Variants in EDNRA observed in about 807,000 individuals in gnomAD.
The protein encoded by EDNRA is endothelin-1 receptor.
In EDNRA, 11 loss-of-function variants were observed where a neutral mutation model predicts 41.4. The ratio of observed to expected loss-of-function variants is 0.27; its 90% CI spans 0.17 to 0.44. EDNRA has a LOEUF of 0.44. Among genes scored for constraint, EDNRA ranks in the 20% least tolerant of loss-of-function variants. The pLI, the probability that EDNRA is intolerant of heterozygous loss-of-function variation, is 1.00. For synonymous variants in EDNRA, 172 were observed against 183.0 expected (o/e 0.94, Z 0.49); for missense variants, 294 against 531.0 (o/e 0.55, Z 4.39).
At chr4:147,505,213 A>G (rs1560901553) in intron 2 of EDNRA, among the ~76,000 whole-genome samples, 1 of 123,130 alleles carries the variant, frequency 8.1e-6, no homozygotes, top group Non-Finnish European at 1.7e-5. Flanking sequence ...AAAAAAAAAA[A>G]AAAGAGAGAG....
chr4:147,517,052 T>C (rs1215710739), intron 2 of EDNRA, among the ~76,000 whole-genome samples: 1 of 152,142 alleles, frequency 6.6e-6, no homozygotes, highest in Non-Finnish European at 1.5e-5. Flanking sequence ...AAAACACACT[T>C]AGCAATTAAC....
At chr4:147,516,349 C>T (rs565888130) in intron 2 of EDNRA, among the ~76,000 whole-genome samples, 1 of 152,206 alleles carries the variant, frequency 6.6e-6, no homozygotes, top group Non-Finnish European at 1.5e-5. Context: ...CTTCCTCAAA[C>T]AACTCGATGG....
chr4:147,528,244 A>C (rs994910201), intron 3 of EDNRA, among the ~76,000 whole-genome samples: 1 of 152,204 alleles, frequency 6.6e-6, no homozygotes. Flanking sequence ...AAGACACTTC[A>C]TTCAACAGGT....
At chr4:147,490,071 G>C (rs1215196400) in intron 2 of EDNRA, 1 of 151,758 alleles carries the variant, frequency 6.6e-6, no homozygotes, top group African/African-American at 2.4e-5. Context: ...GTTAGGCCTA[G>C]AATTATATAT....
chr4:147,525,203 T>C (rs965714443), intron 3 of EDNRA, among the ~76,000 whole-genome samples: 1 of 152,242 alleles, frequency 6.6e-6, no homozygotes. Flanking sequence ...AATATCTAGC[T>C]TTCTCACTAT....
intron 2 of EDNRA, among the ~76,000 whole-genome samples, chr4:147,501,721 A>G (rs1729522724): frequency 6.6e-6 from 1 of 152,212 alleles, no homozygotes; most frequent in African/African-American, 2.4e-5. Flanking sequence ...CTCATTTTTT[A>G]AATAGTTTCA....
intron 3 of EDNRA, among the ~76,000 whole-genome samples, chr4:147,531,389 C>T (rs1357431653): frequency 6.6e-6 from 1 of 152,142 alleles, no homozygotes; most frequent in Non-Finnish European, 1.5e-5. Context: ...TGGTACAAGC[C>T]CACTGTGCTC....
intron 2 of EDNRA, chr4:147,494,069 C>T (rs1729226704): frequency 6.6e-6 from 1 of 152,180 alleles, no homozygotes; most frequent in African/African-American, 2.4e-5. Context: ...TCTTGCATCT[C>T]ATACTTGCCC....
chr4:147,497,257 A>G, intron 2 of EDNRA, among the ~76,000 whole-genome samples: 1 of 144,558 alleles, frequency 6.9e-6, no homozygotes, highest in East Asian at 2.1e-4. Context: ...TCAGCCTCCC[A>G]AATTGCTGGG....
intron 5 of EDNRA, among the ~76,000 whole-genome samples, chr4:147,539,237 T>A (rs1731018445): frequency 6.6e-6 from 1 of 151,996 alleles, no homozygotes; most frequent in Non-Finnish European, 1.5e-5. Flanking sequence ...CAATAATAGC[T>A]ATGTTCAAGA....
chr4:147,529,364 C>T (rs748076223), intron 3 of EDNRA, among the ~76,000 whole-genome samples: 2 of 152,018 alleles, frequency 1.3e-5, no homozygotes, highest in Non-Finnish European at 2.9e-5. Context: ...TAGGAATTAC[C>T]GCTAGATGGA....
chr4:147,515,192 T>C (rs924191971), intron 2 of EDNRA, among the ~76,000 whole-genome samples: 11 of 152,190 alleles, frequency 7.2e-5, no homozygotes, highest in African/African-American at 2.7e-4. Context: ...TTTTTTAACC[T>C]CAGCACCAGT....
chr4:147,508,423 G>A (rs548553371), intron 2 of EDNRA, among the ~76,000 whole-genome samples: 2 of 152,304 alleles, frequency 1.3e-5, no homozygotes, highest in Non-Finnish European at 2.9e-5. Flanking sequence ...ACAGGCATGA[G>A]CCACCATGCC....
At chr4:147,502,686 T>G (rs7655670) in intron 2 of EDNRA, among the ~76,000 whole-genome samples, 2 of 152,038 alleles carry the variant, frequency 1.3e-5, no homozygotes, top group Non-Finnish European at 2.9e-5. Flanking sequence ...CAAACTTTAC[T>G]CCAGACCTTT....
intron 4 of EDNRA, among the ~76,000 whole-genome samples, chr4:147,533,670 G>A (rs1730826577): frequency 1.3e-5 from 2 of 152,192 alleles, no homozygotes; most frequent in South Asian, 4.1e-4. Flanking sequence ...TACTGGGTTA[G>A]TCTTCAAAGT....
intron 2 of EDNRA, among the ~76,000 whole-genome samples, chr4:147,509,422 G>A (rs946793799): frequency 2.0e-5 from 3 of 152,178 alleles, no homozygotes; most frequent in Non-Finnish European, 2.9e-5. Context: ...CTCAAGGAAG[G>A]TTCCCAGGGT....
At chr4:147,496,950 TA>T (rs1729319466) in intron 2 of EDNRA, among the ~76,000 whole-genome samples, 2 of 152,138 alleles carry the variant, frequency 1.3e-5, no homozygotes, top group Non-Finnish European at 2.9e-5. Context: ...TATATAGATA[TA>T]AAAACCTATA....
Position 147,517,083 on chromosome 4 carries a change from GAGT to G in EDNRA, c.421-2767_421-2765del, listed in dbSNP as rs1266425805. Among the ~76,000 whole-genome samples the G allele has an allele frequency of 1.4e-4, 22 of 152,172 alleles. No homozygotes were observed. In the South Asian group the frequency reaches 2.5e-3, roughly 17 times the overall value. On this transcript the variant is annotated intron_variant, in intron 2 of 7. Coordinates refer to ENST00000651419, the MANE Select transcript of EDNRA (RefSeq NM_001957.4). ...TTAACAGTGGTTGCCTTTGGGCAGGGAGTTTGGGGGCCTTGACTGGAAGGGAGA... is the reference window on the plus strand; with the variant it reads ...TTAACAGTGGTTGCCTTTGGGCAGGGTTGGGGGCCTTGACTGGAAGGGAGA...
chr4:147,539,998 A>G lies in EDNRA; in HGVS notation c.1034+48A>G, dbSNP rs189043337. The stretch of plus-strand genomic sequence containing the variant: ...GAAAATTGGAGTTTCTCAGATTTTC[A>G]TATTTATAATACTTTTACAAAACCA... On this transcript the variant is annotated intron_variant, in intron 6 of 7. Transcript: ENST00000651419. 500 of 1,546,022 alleles carry G rather than the reference A, an allele frequency of 3.2e-4. 2 individuals are homozygous for G. The African/African-American group carries it at 6.3e-3, about 20-fold the overall frequency.
Sources: gnomAD v4.1 joint callset for allele counts (sites outside exome capture counted in the v4.1 genomes callset) on GRCh38, gnomAD v4.1.1 for gene constraint, MANE v1.5 for transcripts, NCBI Gene and HGNC (gene_info 2026-07-23, HGNC 2026-07-21) for gene names.